The following KLF12 variants were observed in gnomAD, a reference collection of about 807,000 sequenced individuals.
KLF12 encodes Krueppel-like factor 12.
Under a neutral mutation model 37.8 loss-of-function variants are expected in KLF12, and 9 were observed. The ratio of observed to expected loss-of-function variants is 0.24; its 90% CI spans 0.14 to 0.42. The LOEUF is 0.42. Ranked by LOEUF, KLF12 falls within the 10% of genes least tolerant of loss-of-function variation. KLF12 has a pLI of 1.00. For synonymous variants in KLF12, 208 were observed against 202.1 expected (o/e 1.03, Z -0.25); for missense variants, 411 against 516.0 (o/e 0.80, Z 1.97).
At chr13:73,985,469 G>C (rs1226982565) in intron 2 of KLF12, among the ~76,000 whole-genome samples, 2 of 152,166 alleles carry the variant, frequency 1.3e-5, no homozygotes, top group African/African-American at 4.8e-5. Flanking sequence ...AGGGTGCAAG[G>C]CCGACAACCA....
intron 1 of KLF12, among the ~76,000 whole-genome samples, chr13:74,075,466 C>G (rs1335417641): frequency 2.5e-4 from 38 of 152,230 alleles, no homozygotes; most frequent in Non-Finnish European, 4.4e-5. Flanking sequence ...GGTCCCATGC[C>G]AGATTAAATT....
At chr13:74,116,970 T>A (rs1260170717) in intron 1 of KLF12, among the ~76,000 whole-genome samples, 1 of 152,172 alleles carries the variant, frequency 6.6e-6, no homozygotes, top group Non-Finnish European at 1.5e-5. Context: ...TGGTAAAAAA[T>A]CTATTTTCTC....
the KLF12 span, among the ~76,000 whole-genome samples, chr13:74,246,033 C>T: frequency 6.6e-6 from 1 of 152,128 alleles, no homozygotes; most frequent in Non-Finnish European, 1.5e-5. Flanking sequence ...TTTCTCAAGC[C>T]CTCTTCAATG....
chr13:73,986,621 A>C (rs541794948), intron 2 of KLF12, among the ~76,000 whole-genome samples: 58 of 152,306 alleles, frequency 3.8e-4, no homozygotes, highest in African/African-American at 1.4e-3. Context: ...GATGGAATTA[A>C]AGTTGCTAAT....
intron 6 of KLF12, among the ~76,000 whole-genome samples, chr13:73,733,769 T>C (rs1422816547): frequency 6.6e-6 from 1 of 152,166 alleles, no homozygotes; most frequent in Non-Finnish European, 1.5e-5. Context: ...CCCTTTTACA[T>C]TCCCACAAGC....
chr13:73,800,763 A>G (rs979951920), intron 5 of KLF12: 1 of 152,070 alleles, frequency 6.6e-6, no homozygotes, highest in African/African-American at 2.4e-5. Flanking sequence ...TTGTTTTTCC[A>G]TAAGTACAGA....
intron 6 of KLF12, among the ~76,000 whole-genome samples, chr13:73,735,475 T>C (rs1209368536): frequency 6.6e-6 from 1 of 152,120 alleles, no homozygotes; most frequent in Non-Finnish European, 1.5e-5. Flanking sequence ...GGTCAGGAAG[T>C]CATCCTGGAG....
intron 3 of KLF12, among the ~76,000 whole-genome samples, chr13:73,858,612 G>A (rs1020967839): frequency 2.0e-5 from 3 of 152,118 alleles, no homozygotes; most frequent in Non-Finnish European, 2.9e-5. Context: ...ACTATTTAGT[G>A]ATCATTACTA....
chr13:73,936,568 A>G (rs906379546), intron 3 of KLF12, among the ~76,000 whole-genome samples: 3 of 151,856 alleles, frequency 2.0e-5, no homozygotes, highest in African/African-American at 4.8e-5. Context: ...TCTTTGTGCA[A>G]TTCCCTCCTC....
chr13:74,091,807 A>G (rs1046430406), intron 1 of KLF12, among the ~76,000 whole-genome samples: 3 of 152,138 alleles, frequency 2.0e-5, no homozygotes, highest in African/African-American at 7.2e-5. Flanking sequence ...CCTAATGTAC[A>G]CTATTTATTT....
rs1349132973 is a variant in KLF12 at position 73,846,173 on chromosome 13, G to A, written c.324C>T (p.Ser108=). The A allele has an allele frequency of 6.2e-7, 1 of 1,614,140 alleles. No individual in the cohort carries two copies. The highest frequency in any genetic ancestry group is 1.7e-5 in the Admixed American group (1 of 60,002). The change falls in exon 4 of 8, where the codon TCC becomes TCT. Residue 108 remains serine (S), a synonymous_variant. Transcript: ENST00000377669. Reference sequence around the variant, plus strand: ...AAGAGGTTGAAGTTGAAGAAGGTGAGGAGGCAGATGCTGTCATGGAAACTG... The same window carrying A: ...AAGAGGTTGAAGTTGAAGAAGGTGAAGAGGCAGATGCTGTCATGGAAACTG...
chr13:74,146,592 T>A, the KLF12 span, among the ~76,000 whole-genome samples: 17 of 152,336 alleles, frequency 1.1e-4, no homozygotes, highest in African/African-American at 4.1e-4. Flanking sequence ...AAAAACAGTC[T>A]TAATTTAGTT....
At position 73,890,074 on chromosome 13, in the gene KLF12, AACACCGTCTTTAAACATG is replaced by A. The variant is rs1291999703; in HGVS notation, c.124-43719_124-43702del. On this transcript the variant is annotated intron_variant, in intron 3 of 7. Coordinates refer to ENST00000377669, the MANE Select transcript of KLF12 (RefSeq NM_007249.5). ...TATGTGAAAATAGAGAACACACAAG[AACACCGTCTTTAAACATG>A]CCCATAGTAGGAGCATATCTGGTCT... Among the ~76,000 whole-genome samples the A allele has an allele frequency of 2.0e-5, 3 of 152,240 alleles. No homozygotes were observed. In the East Asian group the frequency reaches 5.8e-4, roughly 29 times the overall value.
chr13:74,008,429 C>A (rs904791280), intron 1 of KLF12, among the ~76,000 whole-genome samples: 10 of 152,190 alleles, frequency 6.6e-5, no homozygotes, highest in Non-Finnish European at 1.2e-4. Context: ...GCTTTTAATG[C>A]AAACAAGTTA....
chr13:73,770,425 C>A (rs916605143), intron 5 of KLF12, among the ~76,000 whole-genome samples: 1 of 152,148 alleles, frequency 6.6e-6, no homozygotes, highest in Non-Finnish European at 1.5e-5. Flanking sequence ...AAAAGGTTCT[C>A]CATCTGCCTT....
the KLF12 span, among the ~76,000 whole-genome samples, chr13:74,168,253 G>C: frequency 0.26 from 39,773 of 152,082 alleles, 7,835 homozygotes; most frequent in African/African-American, 0.55. Flanking sequence ...CTTCTCACAG[G>C]GGACCCAATA....
intron 3 of KLF12, among the ~76,000 whole-genome samples, chr13:73,867,740 CT>C (rs1483798483): frequency 5.3e-5 from 8 of 152,154 alleles, no homozygotes; most frequent in African/African-American, 1.9e-4. Flanking sequence ...CAAAGCAAGT[CT>C]TAACAAATCT....
chr13:74,096,815 T>C (rs1209490260), intron 1 of KLF12, among the ~76,000 whole-genome samples: 1 of 152,144 alleles, frequency 6.6e-6, no homozygotes, highest in Non-Finnish European at 1.5e-5. Flanking sequence ...TTCTCAGGTG[T>C]GACAGAGAAT....
intron 6 of KLF12, among the ~76,000 whole-genome samples, chr13:73,736,476 T>C (rs1372820458): frequency 6.6e-6 from 1 of 152,150 alleles, no homozygotes; most frequent in Non-Finnish European, 1.5e-5. Flanking sequence ...ATCCCTATAC[T>C]AGAAAAGTCA....
Sources: allele counts gnomAD v4.1 joint callset (sites outside exome capture counted in the v4.1 genomes callset), GRCh38; gene constraint gnomAD v4.1.1; transcripts MANE v1.5; gene names NCBI Gene and HGNC (gene_info 2026-07-23, HGNC 2026-07-21).